Variants in RBFOX1 observed in about 807,000 individuals in gnomAD.
RBFOX1 encodes RNA binding fox-1 homolog 1.
Under a neutral mutation model 57.7 loss-of-function variants are expected in RBFOX1, and 8 were observed. The observed-to-expected ratio is 0.14, with a 90% CI of 0.08 to 0.25. RBFOX1 has a LOEUF of 0.25. Ranked by LOEUF, RBFOX1 falls within the 10% of genes least tolerant of loss-of-function variation. The probability of loss-of-function intolerance (pLI) is 1.00; values close to 1 mark genes in which losing one functional copy is unlikely to be tolerated. For missense variants in RBFOX1, 611 were observed against 548.5 expected (o/e 1.11, Z -1.14); for synonymous variants, 326 against 222.4 (o/e 1.47, Z -4.15).
chr16:7,332,881 T>A, intron 4 of RBFOX1: 1 of 1,556,594 alleles, frequency 6.4e-7, no homozygotes, highest in Non-Finnish European at 8.7e-7. Context: ...AGTGCTTGGC[T>A]CCTGACAGAA....
chr16:6,642,685 A>G (rs1602446669), intron 2 of RBFOX1, among the ~76,000 whole-genome samples: 1 of 152,172 alleles, frequency 6.6e-6, no homozygotes, highest in East Asian at 1.9e-4. Context: ...AGAAGTCAAG[A>G]TGAAAAGCCT....
chr16:6,622,936 C>G (rs143120601), intron 2 of RBFOX1, among the ~76,000 whole-genome samples: 4 of 152,192 alleles, frequency 2.6e-5, no homozygotes, highest in African/African-American at 7.2e-5. Flanking sequence ...GCACTTAATT[C>G]TCTCAGGGTC....
At position 5,409,538 on chromosome 16, in the gene RBFOX1, A is replaced by G. The variant is rs111971036; in HGVS notation, c.220-57678A>G. Among the ~76,000 whole-genome samples the G allele has an allele frequency of 6.5e-3, 996 of 152,346 alleles. 5 individuals are homozygous for G. The highest frequency in any genetic ancestry group is 0.022 in the African/African-American group (906 of 41,574). On this transcript the variant is annotated intron_variant, in intron 1 of 2. Coordinates refer to the RBFOX1 transcript ENST00000585867. Reference sequence around the variant, plus strand: ...CTTCTTTGAAAGTTATAAAATGGGAATCTTTATTTTTCTCTTCATACTCAA... The same window carrying G: ...CTTCTTTGAAAGTTATAAAATGGGAGTCTTTATTTTTCTCTTCATACTCAA...
intron 6 of RBFOX1, among the ~76,000 whole-genome samples, chr16:7,582,943 C>A (rs11866295): frequency 6.6e-5 from 10 of 152,258 alleles, no homozygotes; most frequent in East Asian, 3.9e-4. Context: ...ACGTCTGTAA[C>A]CACTAATAAT....
At chr16:7,162,566 C>CT (rs1491304534) in intron 4 of RBFOX1, among the ~76,000 whole-genome samples, 100 of 101,950 alleles carry the variant, frequency 9.8e-4, no homozygotes, top group African/African-American at 4.7e-3. Context: ...CCTGTCTCTA[C>CT]TAAAAAAAAA....
At chr16:6,173,811 T>A (rs2096981395) in intron 1 of RBFOX1, among the ~76,000 whole-genome samples, 1 of 152,070 alleles carries the variant, frequency 6.6e-6, no homozygotes. Context: ...GTTTTTGCCA[T>A]GTTGGCCAGG....
chr16:5,903,392 G>A (rs562180574), intron 4 of RBFOX1, among the ~76,000 whole-genome samples: 2 of 152,232 alleles, frequency 1.3e-5, no homozygotes, highest in Admixed American at 1.3e-4. Flanking sequence ...CTATTACTCA[G>A]TAGCAACATG....
downstream of RBFOX1, among the ~76,000 whole-genome samples, chr16:5,602,704 G>C (rs895422760): frequency 1.1e-4 from 16 of 152,036 alleles, no homozygotes; most frequent in Middle Eastern, 6.8e-3. Flanking sequence ...TCTATAGTGA[G>C]CAGTTATTTT....
intron 3 of RBFOX1, among the ~76,000 whole-genome samples, chr16:6,761,748 A>T (rs2076637832): frequency 6.6e-6 from 1 of 151,508 alleles, no homozygotes; most frequent in Non-Finnish European, 1.5e-5. Flanking sequence ...CTTGTGATCC[A>T]CCTGCCTCGG....
At chr16:6,544,113 C>G (rs1396758555) in intron 2 of RBFOX1, among the ~76,000 whole-genome samples, 1 of 152,206 alleles carries the variant, frequency 6.6e-6, no homozygotes, top group Admixed American at 6.5e-5. Flanking sequence ...AGTATCTTAT[C>G]TGTCTTTGCA....
intron 1 of RBFOX1, among the ~76,000 whole-genome samples, chr16:6,215,631 A>C (rs1257445095): frequency 1.3e-5 from 2 of 151,936 alleles, no homozygotes; most frequent in African/African-American, 4.8e-5. Flanking sequence ...TCCTCCATTA[A>C]CCTTGTCTTT....
At chr16:6,636,828 TTATA>T (rs1294536504) in intron 2 of RBFOX1, among the ~76,000 whole-genome samples, 3 of 103,874 alleles carry the variant, frequency 2.9e-5, no homozygotes, top group East Asian at 5.7e-4. Flanking sequence ...ATAATATATG[TTATA>T]TATAATATAT....
At chr16:6,026,580 G>A (rs905594430) in intron 1 of RBFOX1, among the ~76,000 whole-genome samples, 4 of 152,234 alleles carry the variant, frequency 2.6e-5, no homozygotes, top group Non-Finnish European at 5.9e-5. Flanking sequence ...GGGAGCTCTT[G>A]CTGCATAGCT....
At chr16:7,204,707 T>G (rs1408530396) in intron 4 of RBFOX1, among the ~76,000 whole-genome samples, 2 of 152,128 alleles carry the variant, frequency 1.3e-5, no homozygotes, top group African/African-American at 2.4e-5. Context: ...TTCACTGGCA[T>G]TTTTCCTTGT....
At chr16:5,848,974 C>CAA (rs1243772606) in intron 3 of RBFOX1, among the ~76,000 whole-genome samples, 64 of 137,188 alleles carry the variant, frequency 4.7e-4, no homozygotes, top group Middle Eastern at 3.7e-3. Context: ...AAAAAAACAA[C>CAA]AACAAAAAAA....
chr16:6,529,641 C>G (rs141468455), intron 2 of RBFOX1, among the ~76,000 whole-genome samples: 1,957 of 151,792 alleles, frequency 0.013, 30 homozygotes, highest in African/African-American at 0.045. Flanking sequence ...GATAGCACAG[C>G]TATGGTATGA....
chr16:7,381,871 C>A (rs1172723412), intron 4 of RBFOX1, among the ~76,000 whole-genome samples: 1 of 152,150 alleles, frequency 6.6e-6, no homozygotes, highest in African/African-American at 2.4e-5. Flanking sequence ...TTGGTGGCAT[C>A]TCTAGCCTCT....
At chr16:7,224,403 T>A (rs1405810613) in intron 4 of RBFOX1, among the ~76,000 whole-genome samples, 1 of 152,194 alleles carries the variant, frequency 6.6e-6, no homozygotes, top group Non-Finnish European at 1.5e-5. Context: ...TAGTGGAACT[T>A]GCCATCACCC....
intron 2 of RBFOX1, among the ~76,000 whole-genome samples, chr16:6,526,212 A>C (rs2096575238): frequency 6.6e-6 from 1 of 152,226 alleles, no homozygotes; most frequent in Non-Finnish European, 1.5e-5. Context: ...AGTGTTTAAA[A>C]AAGAGGGGGC....
Sources: gnomAD v4.1 joint callset for allele counts (sites outside exome capture counted in the v4.1 genomes callset) on GRCh38, gnomAD v4.1.1 for gene constraint, MANE v1.5 for transcripts, NCBI Gene and HGNC (gene_info 2026-07-23, HGNC 2026-07-21) for gene names.